The following PRKCD variants were observed in gnomAD, a reference collection of about 807,000 sequenced individuals.
PRKCD encodes protein kinase C delta, also known as protein kinase C delta type.
Under a neutral mutation model 82.2 loss-of-function variants are expected in PRKCD, and 20 were observed. The ratio of observed to expected loss-of-function variants is 0.24; its 90% CI spans 0.17 to 0.35. The LOEUF (loss-of-function observed/expected upper bound fraction) is 0.35. PRKCD is among the 10% of genes least tolerant of loss of function. The pLI, the probability that PRKCD is intolerant of heterozygous loss-of-function variation, is 1.00. For synonymous variants in PRKCD, 317 were observed against 337.0 expected (o/e 0.94, Z 0.65); for missense variants, 607 against 899.0 (o/e 0.68, Z 4.15).
intron 2 of PRKCD, among the ~76,000 whole-genome samples, chr3:53,175,478 T>TG (rs1208383152): frequency 6.6e-6 from 1 of 152,008 alleles, no homozygotes; most frequent in Non-Finnish European, 1.5e-5. Flanking sequence ...CATCAGGAAA[T>TG]GGGGGGGCTG....
chr3:53,186,276 G>A lies in PRKCD; in HGVS notation c.1196G>A (p.Arg399Gln), dbSNP rs781872957. The change falls in exon 13 of 19, where the codon CGG becomes CAG. Residue 399 changes from arginine (R) to glutamine (Q), a missense_variant. Physicochemically the swap from Arg to Gln is conservative, Grantham distance 43 (BLOSUM62 1). This residue lies in a region of PRKCD where 251 missense variants were observed against 423.9 expected (regional missense o/e 0.59). Transcript: ENST00000330452. The part of the protein sequence containing the change: ...DDVECTMVEK[R>Q]VLTLAAENPF... The stretch of plus-strand genomic sequence containing the variant: ...GTGGAGTGCACCATGGTTGAGAAGC[G>A]GGTGCTGACACTTGCCGCAGAGAAT... The A allele has an allele frequency of 2.5e-6, 4 of 1,614,028 alleles. No homozygotes were observed. The highest frequency in any genetic ancestry group is 1.3e-5 in the African/African-American group (1 of 74,912).
chr3:53,188,671 A>G (rs1553669939), intron 15 of PRKCD, 49 bp from the exon 16 acceptor site: 1 of 1,607,342 alleles, frequency 6.2e-7, no homozygotes. Context: ...GCAGGGTTGG[A>G]AGGAGAAGAA....
intron 2 of PRKCD, among the ~76,000 whole-genome samples, chr3:53,165,790 G>C (rs1238262744): frequency 3.3e-5 from 5 of 152,226 alleles, no homozygotes; most frequent in African/African-American, 4.8e-5. Context: ...AGATTCAAGG[G>C]GAGCTAGGCA....
At chr3:53,161,789 C>T (rs1702669072) in intron 1 of PRKCD, among the ~76,000 whole-genome samples, 1 of 151,612 alleles carries the variant, frequency 6.6e-6, no homozygotes, top group Non-Finnish European at 1.5e-5. Context: ...TCTCCGAGAC[C>T]CGATCCTTCT....
intron 2 of PRKCD, among the ~76,000 whole-genome samples, chr3:53,174,531 T>C (rs1295477863): frequency 6.6e-6 from 1 of 152,192 alleles, no homozygotes; most frequent in African/African-American, 2.4e-5. Flanking sequence ...CTTGCTTTTG[T>C]GCTGCTGCTT....
At chr3:53,185,897 C>G in intron 11 of PRKCD, 30 bp from the exon 12 acceptor site, 1 of 1,611,102 alleles carries the variant, frequency 6.2e-7, no homozygotes, top group Non-Finnish European at 8.5e-7. Flanking sequence ...ACTGAGACCC[C>G]GATCTGAGGA....
intron 7 of PRKCD, chr3:53,182,089 G>C: frequency 2.3e-6 from 1 of 430,382 alleles, no homozygotes; most frequent in Non-Finnish European, 4.6e-6. Context: ...ATGTGCTTCT[G>C]TGTAGATGTG....
chr3:53,162,282 TCC>T (rs1393271599), intron 1 of PRKCD, among the ~76,000 whole-genome samples: 3 of 128,978 alleles, frequency 2.3e-5, no homozygotes, highest in Admixed American at 2.2e-4. Context: ...GGGGGGGGGG[TCC>T]TCCTGGCTGG....
At chr3:53,183,632 C>G (rs1703553314) in intron 9 of PRKCD, 51 bp downstream of exon 9, 1 of 1,602,844 alleles carries the variant, frequency 6.2e-7, no homozygotes, top group Non-Finnish European at 8.5e-7. Context: ...CCAGCTGGTG[C>G]TGCTGTGAAT....
intron 4 of PRKCD, 98 bp from the exon 5 acceptor site, chr3:53,181,103 TGCCTTG>T: frequency 1.6e-6 from 2 of 1,272,754 alleles, no homozygotes; most frequent in Admixed American, 4.2e-5. Context: ...CTTGGGGGGC[TGCCTTG>T]GCCTTGGGGG....
intron 2 of PRKCD, among the ~76,000 whole-genome samples, chr3:53,167,945 C>T (rs1471562754): frequency 2.0e-5 from 3 of 152,230 alleles, no homozygotes; most frequent in Non-Finnish European, 4.4e-5. Flanking sequence ...CTCAGCAGTC[C>T]AGCCCCTGCC....
Position 53,183,576 on chromosome 3 carries a change from G to C in PRKCD, c.782G>C (p.Cys261Ser). The C allele has an allele frequency of 1.9e-6, 3 of 1,614,058 alleles. No homozygotes were observed. Among genetic ancestry groups the C allele is most frequent in the Non-Finnish European group, 1.7e-6 (2 of 1,179,958 alleles). Reference sequence around the variant, plus strand: ...GGACTGGTGAAGCAGGGATTAAAGTGTGAAGGTGCGTGCCACCCCGCCCCT... The same window carrying C: ...GGACTGGTGAAGCAGGGATTAAAGTCTGAAGGTGCGTGCCACCCCGCCCCT... ...LWGLVKQGLK[C>S]EDCGMNVHHK... Residue 261 changes from cysteine to serine, a missense_variant, in exon 9 of 19, where the codon TGT (cysteine) becomes TCT (serine). By Grantham distance (112) the Cys-to-Ser change is moderately radical. Transcript: ENST00000330452.
chr3:53,163,390 A>AGT (rs1486278628), intron 1 of PRKCD, among the ~76,000 whole-genome samples: 1 of 151,102 alleles, frequency 6.6e-6, no homozygotes, highest in Non-Finnish European at 1.5e-5. Context: ...TGTGTGTGTG[A>AGT]GTGTGTGGGA....
At chr3:53,191,894 A>G (rs919631333) in intron 18 of PRKCD, among the ~76,000 whole-genome samples, 1 of 152,184 alleles carries the variant, frequency 6.6e-6, no homozygotes, top group Non-Finnish European at 1.5e-5. Flanking sequence ...CTCCTAACCC[A>G]GGCCCAGAGC....
At chr3:53,183,428 A>AG in intron 8 of PRKCD, 24 bp from the exon 9 acceptor site, 1 of 1,613,494 alleles carries the variant, frequency 6.2e-7, no homozygotes, top group Non-Finnish European at 8.5e-7. Context: ...CGTGACCCTC[A>AG]GCCTGTGATA....
intron 2 of PRKCD, 57 bp from the exon 3 acceptor site, chr3:53,178,347 G>T: frequency 8.2e-7 from 1 of 1,214,490 alleles, no homozygotes; most frequent in East Asian, 2.4e-5. Flanking sequence ...AGTGCTGCCC[G>T]TGACTGTTCC....
intron 1 of PRKCD, among the ~76,000 whole-genome samples, chr3:53,163,923 G>A (rs1702753636): frequency 6.6e-6 from 1 of 152,168 alleles, no homozygotes; most frequent in Admixed American, 6.5e-5. Flanking sequence ...AGGGGTGGGG[G>A]ATGATTCAGA....
At chr3:53,168,904 A>G (rs1327444484) in intron 2 of PRKCD, among the ~76,000 whole-genome samples, 2 of 150,346 alleles carry the variant, frequency 1.3e-5, no homozygotes, top group South Asian at 2.1e-4. Context: ...TCAGAGGGGC[A>G]ATGGGAGGCA....
rs782409115 is a variant in PRKCD, at chr3:53,181,284, G to A, written c.376+17G>A. On this transcript the variant is annotated intron_variant, in intron 5 of 18. Transcript: ENST00000330452. ...AGGACGTGGGTAAGAACTCCCTGGG[G>A]GTGGAGGGCTCCCTTGCCGGGTTCA... 1.2e-6 allele frequency: 2 copies of A among 1,613,446 alleles called. No homozygotes were observed. Among genetic ancestry groups the A allele is most frequent in the Non-Finnish European group, 1.7e-6 (2 of 1,179,680 alleles).
Sources: gnomAD v4.1 joint callset for allele counts (sites outside exome capture counted in the v4.1 genomes callset) on GRCh38, gnomAD v4.1.1 for gene constraint, gnomAD v4.1.1 regional missense constraint, MANE v1.5 for transcripts, NCBI Gene and HGNC (gene_info 2026-07-23, HGNC 2026-07-21) for gene names.